The following DLG1 variants were observed in gnomAD, a reference collection of about 807,000 sequenced individuals.
DLG1 encodes the protein disks large homolog 1.
A neutral mutation model predicts 123.4 loss-of-function variants in DLG1; 42 were observed. The observed-to-expected ratio is 0.34, with a 90% CI of 0.27 to 0.44. The LOEUF is 0.44. Among genes scored for constraint, DLG1 ranks in the 20% least tolerant of loss-of-function variants. The probability of loss-of-function intolerance (pLI) is 1.00; values close to 1 mark genes in which losing one functional copy is unlikely to be tolerated. For synonymous variants in DLG1, 317 were observed against 356.2 expected (o/e 0.89, Z 1.24); for missense variants, 942 against 1,082.6 (o/e 0.87, Z 1.82).
chr3:197,163,841 G>A (rs1327208888), intron 5 of DLG1, among the ~76,000 whole-genome samples: 1 of 151,388 alleles, frequency 6.6e-6, no homozygotes. Context: ...CCAGCCCTAG[G>A]AATAAAATTC....
intron 4 of DLG1, among the ~76,000 whole-genome samples, chr3:197,281,803 T>C (rs1560142382): frequency 6.6e-6 from 1 of 152,200 alleles, no homozygotes; most frequent in Non-Finnish European, 1.5e-5. Flanking sequence ...ATCTTTAACA[T>C]GAAGACAAGG....
intron 5 of DLG1, among the ~76,000 whole-genome samples, chr3:197,193,822 C>T (rs1226623427): frequency 1.3e-5 from 2 of 151,062 alleles, no homozygotes; most frequent in South Asian, 2.1e-4. Context: ...GATGTTAATG[C>T]TCTTTTTTTT....
chr3:197,058,263 G>A (rs1168864179), intron 23 of DLG1, among the ~76,000 whole-genome samples: 2 of 152,102 alleles, frequency 1.3e-5, no homozygotes, highest in Non-Finnish European at 1.5e-5. Context: ...TATAGGGGCC[G>A]GCCGTTGTGC....
upstream of DLG1, chr3:197,298,750 T>C (rs147083146): frequency 2.5e-6 from 1 of 396,484 alleles, no homozygotes; most frequent in Non-Finnish European, 4.4e-6. Context: ...CACTCCAGGC[T>C]GATTGTTAAG....
chr3:197,129,568 G>C (rs889398473), intron 11 of DLG1, among the ~76,000 whole-genome samples: 2 of 152,170 alleles, frequency 1.3e-5, no homozygotes, highest in African/African-American at 4.8e-5. Flanking sequence ...TTTTCTTCAA[G>C]AACTTTTCCT....
chr3:197,289,438 G>A (rs1459814683), intron 3 of DLG1, among the ~76,000 whole-genome samples: 1 of 151,592 alleles, frequency 6.6e-6, no homozygotes, highest in Admixed American at 6.6e-5. Flanking sequence ...ATTTTCTTAT[G>A]GTATTTTACA....
intron 15 of DLG1, among the ~76,000 whole-genome samples, chr3:197,087,681 A>T (rs777763090): frequency 9.9e-5 from 15 of 152,248 alleles, no homozygotes; most frequent in Admixed American, 3.9e-4. Flanking sequence ...AATTTAGCAG[A>T]ATGAAAGAAG....
intron 4 of DLG1, among the ~76,000 whole-genome samples, chr3:197,246,191 C>T (rs764686917): frequency 6.6e-6 from 1 of 152,124 alleles, no homozygotes; most frequent in African/African-American, 2.4e-5. Context: ...CCACTGAATA[C>T]CCATTATGTT....
chr3:197,255,221 C>T (rs1217591025), intron 4 of DLG1, among the ~76,000 whole-genome samples: 1 of 152,216 alleles, frequency 6.6e-6, no homozygotes, highest in African/African-American at 2.4e-5. Flanking sequence ...GACTACTAGA[C>T]AATCACAGCA....
rs978560769 is a variant in DLG1 at position 197,043,737 on chromosome 3, A to G, written c.*886T>C. On this transcript the variant is annotated 3_prime_UTR_variant, in exon 25 of 25. Transcript: ENST00000667157. Reference sequence around the variant, plus strand: ...TCAGTAAAATCTGACTCCTAAGAATACATTTGAAGTTTTAGGCTATGAATT... The same window carrying G: ...TCAGTAAAATCTGACTCCTAAGAATGCATTTGAAGTTTTAGGCTATGAATT... 1.3e-5 allele frequency: 2 copies of G among 151,936 alleles called. No homozygotes were observed. Among genetic ancestry groups the G allele is most frequent in the Non-Finnish European group, 2.9e-5 (2 of 67,944 alleles). The allele number at this position is 151,936 out of a possible 1,614,324, so 9.4% of individuals were successfully genotyped here.
intron 14 of DLG1, among the ~76,000 whole-genome samples, chr3:197,102,927 G>T (rs1044142645): frequency 1.3e-5 from 2 of 152,138 alleles, no homozygotes; most frequent in African/African-American, 4.8e-5. Context: ...GAAAGTCGAG[G>T]GGTGCAGGAA....
At chr3:197,063,590 G>C (rs1171474672) in intron 22 of DLG1, among the ~76,000 whole-genome samples, 2 of 152,112 alleles carry the variant, frequency 1.3e-5, no homozygotes, top group Non-Finnish European at 2.9e-5. Flanking sequence ...ACTTCATTTT[G>C]TGAATGTAAA....
chr3:197,290,989 C>T (rs987040791), intron 3 of DLG1, among the ~76,000 whole-genome samples: 50 of 150,060 alleles, frequency 3.3e-4, no homozygotes, highest in Admixed American at 2.5e-3. Context: ...TGACAACTAA[C>T]GGTAATATCT....
chr3:197,208,394 TCTA>T (rs1729690600), intron 4 of DLG1, among the ~76,000 whole-genome samples: 1 of 146,930 alleles, frequency 6.8e-6, no homozygotes, highest in South Asian at 2.5e-4. Context: ...ACCTGATAAT[TCTA>T]CTTTTAGGAA....
At chr3:197,294,884 T>C (rs560564825) in intron 3 of DLG1, among the ~76,000 whole-genome samples, 6 of 152,126 alleles carry the variant, frequency 3.9e-5, no homozygotes, top group African/African-American at 1.4e-4. Context: ...GTCTGCAGTC[T>C]ATCTATCTGC....
chr3:197,285,981 C>A (rs1047587590), intron 3 of DLG1, among the ~76,000 whole-genome samples: 2 of 152,124 alleles, frequency 1.3e-5, no homozygotes, highest in Non-Finnish European at 2.9e-5. Flanking sequence ...CCAATATGTT[C>A]TTTAACAGGT....
intron 5 of DLG1, among the ~76,000 whole-genome samples, chr3:197,167,002 T>A (rs1363049227): frequency 6.6e-6 from 1 of 151,898 alleles, no homozygotes; most frequent in Non-Finnish European, 1.5e-5. Context: ...TGTGTAGACA[T>A]CTTGCTGTAC....
At chr3:197,093,348 G>A (rs1015508597) in intron 14 of DLG1, among the ~76,000 whole-genome samples, 3 of 151,894 alleles carry the variant, frequency 2.0e-5, no homozygotes, top group Non-Finnish European at 4.4e-5. Context: ...TAATAGAGAC[G>A]GGGTTTCACC....
At chr3:197,089,576 A>G (rs529134834) in intron 15 of DLG1, among the ~76,000 whole-genome samples, 70 of 152,024 alleles carry the variant, frequency 4.6e-4, no homozygotes, top group Non-Finnish European at 8.2e-4. Flanking sequence ...TTCTCTAAAA[A>G]TAACAAGTGA....
Sources: allele counts gnomAD v4.1 joint callset (sites outside exome capture counted in the v4.1 genomes callset), GRCh38; gene constraint gnomAD v4.1.1; transcripts MANE v1.5; gene names NCBI Gene and HGNC (gene_info 2026-07-23, HGNC 2026-07-21).